FAM161A: variants seen among roughly 807,000 people sequenced by gnomAD.
FAM161A encodes protein FAM161A.
FAM161A carries 57 observed loss-of-function variants against 70.9 expected under a neutral mutation model. The observed-to-expected ratio is 0.80, with a 90% CI of 0.65 to 1.00. FAM161A has a LOEUF of 1.00. Among genes scored for constraint, FAM161A ranks in the 50% least tolerant of loss-of-function variants. The pLI is 0.00. For synonymous variants in FAM161A, 299 were observed against 295.7 expected (o/e 1.01, Z -0.12); for missense variants, 880 against 836.0 (o/e 1.05, Z -0.65).
the FAM161A span, among the ~76,000 whole-genome samples, chr2:61,814,502 G>A: frequency 2.0e-5 from 3 of 151,518 alleles, no homozygotes; most frequent in Non-Finnish European, 4.4e-5. Context: ...TCCTCTGCTC[G>A]AGAGGAGTTT....
intron 1 of FAM161A, among the ~76,000 whole-genome samples, chr2:61,847,992 G>A (rs1376780544): frequency 6.6e-6 from 1 of 152,124 alleles, no homozygotes; most frequent in Non-Finnish European, 1.5e-5. Flanking sequence ...CTGCTCTAAA[G>A]AGCTATATTC....
chr2:61,850,415 G>A (rs1673457628), intron 1 of FAM161A, among the ~76,000 whole-genome samples: 1 of 151,744 alleles, frequency 6.6e-6, no homozygotes, highest in Non-Finnish European at 1.5e-5. Context: ...ATATGTGTGT[G>A]TGCGTTCGTG....
intron 5 of FAM161A, chr2:61,835,624 C>A (rs569946053): frequency 6.7e-5 from 11 of 165,344 alleles, no homozygotes; most frequent in Non-Finnish European, 2.6e-5. Context: ...AAACAGCTTG[C>A]AAAATTATTT....
In FAM161A at chr2:61,853,872, G is replaced by A. The variant is rs751423531; in HGVS notation, c.170C>T (p.Pro57Leu). The part of the protein sequence containing the change: ...EDEEEEKVAQ[P>L]AGASADLNTS... ...CCCCAGTATTACCGATGCCCCAGCG[G>A]GCTGAGCCACTTTCTCCTCCTCTTC... Residue 57 changes from proline (P) to leucine (L), a missense_variant, in exon 1 of 7, where the codon CCC (proline) becomes CTC (leucine). By Grantham distance (98) the Pro-to-Leu change is moderately conservative. Coordinates refer to ENST00000404929, the MANE Select transcript of FAM161A (RefSeq NM_001201543.2). The A allele has an allele frequency of 5.6e-6, 9 of 1,613,952 alleles. No homozygotes were observed. The highest frequency in any genetic ancestry group is 7.6e-6 in the Non-Finnish European group (9 of 1,179,838).
chr2:61,806,696 T>C, the FAM161A span, among the ~76,000 whole-genome samples: 1 of 129,562 alleles, frequency 7.7e-6, no homozygotes, highest in Non-Finnish European at 1.6e-5. Flanking sequence ...TTTTTTTTTT[T>C]TTTTTTTTTT....
chr2:61,844,358 TC>T, intron 1 of FAM161A, among the ~76,000 whole-genome samples: 1 of 152,240 alleles, frequency 6.6e-6, no homozygotes, highest in African/African-American at 2.4e-5. Context: ...TTGGGGGCCA[TC>T]CTGCAATCAG....
rs1404455876 is a variant in FAM161A at position 61,825,693 on chromosome 2, A to C, written c.*762T>G. 4.8e-6 allele frequency: 2 copies of C among 420,776 alleles called. No individual in the cohort carries two copies. The highest frequency in any genetic ancestry group is 1.4e-4 in the East Asian group (2 of 14,156). The allele number at this position is 420,776 out of a possible 1,614,324, so 26.1% of individuals were successfully genotyped here. On this transcript the variant is annotated 3_prime_UTR_variant, in exon 7 of 7. Coordinates refer to ENST00000404929, the MANE Select transcript of FAM161A (RefSeq NM_001201543.2). ...CGCTCTGTTGCCCAAGCTGGAGTGC[A>C]GTGGCGCGATCTCGGCTCACTGCAA...
the FAM161A span, among the ~76,000 whole-genome samples, chr2:61,806,511 T>A: frequency 1.3e-5 from 2 of 152,112 alleles, no homozygotes; most frequent in Non-Finnish European, 2.9e-5. Context: ...AAAGCATTAA[T>A]GGTCATGAAA....
In FAM161A at chr2:61,839,456, GGGCACGGGAGGGT is replaced by G. The variant is rs750449050; in HGVS notation, c.1535_1547del (p.Asn512ThrfsTer12). 2.5e-6 allele frequency: 4 copies of G among 1,614,094 alleles called. No individual in the cohort carries two copies. The Admixed American group carries it at 6.7e-5, about 27-fold the overall frequency. ...GTTCTCGTCCTCTGGAAGATACCGT[GGGCACGGGAGGGT>G]TGCAGTTACAAGGCACAGGGTTTAC... is the stretch of plus-strand genomic sequence containing the variant. On this transcript the variant is annotated frameshift_variant, in exon 3 of 7. Coordinates refer to ENST00000404929, the MANE Select transcript of FAM161A (RefSeq NM_001201543.2). LOFTEE classifies it high-confidence loss of function.
At chr2:61,816,644 G>C in the FAM161A span, among the ~76,000 whole-genome samples, 1 of 151,854 alleles carries the variant, frequency 6.6e-6, no homozygotes, top group African/African-American at 2.4e-5. Flanking sequence ...ATTTTTTGTA[G>C]AGACGGCGGG....
chr2:61,820,422 G>T, downstream of FAM161A: 1 of 757,634 alleles, frequency 1.3e-6, no homozygotes, highest in South Asian at 1.3e-5. Context: ...TGAATGCAAG[G>T]CCACACAAGG....
At chr2:61,832,048 A>G (rs1344208706) in intron 5 of FAM161A, among the ~76,000 whole-genome samples, 2 of 152,226 alleles carry the variant, frequency 1.3e-5, no homozygotes, top group East Asian at 3.9e-4. Flanking sequence ...GCTTAAGACC[A>G]GCATGGACAA....
At chr2:61,807,729 C>T in the FAM161A span, among the ~76,000 whole-genome samples, 1 of 151,280 alleles carries the variant, frequency 6.6e-6, no homozygotes, top group Non-Finnish European at 1.5e-5. Context: ...CAACCTCCAC[C>T]TCCAGGGCTC....
In FAM161A at chr2:61,840,497, C is replaced by A. The variant is rs1216539862; in HGVS notation, c.507G>T (p.Leu169Phe). Residue 169 changes from leucine (L) to phenylalanine (F), a missense_variant, in exon 3 of 7, where the codon TTG (leucine) becomes TTT (phenylalanine). Transcript: ENST00000404929. ...ACTCCTCTTCAGAGGAGGACACATACAAGGAGGAAGACTGGCCTAAATCAG... is the reference window on the plus strand; with the variant it reads ...ACTCCTCTTCAGAGGAGGACACATAAAAGGAGGAAGACTGGCCTAAATCAG... ...SEPDLGQSSS[L>F]YVSSSEEELP... is the part of the protein sequence containing the mutation. 2 of 1,613,822 alleles carry A rather than the reference C, an allele frequency of 1.2e-6. No homozygotes were observed. The highest frequency in any genetic ancestry group is 1.7e-6 in the Non-Finnish European group (2 of 1,179,896).
the FAM161A span, among the ~76,000 whole-genome samples, chr2:61,808,332 G>A: frequency 4.0e-5 from 6 of 151,680 alleles, no homozygotes; most frequent in African/African-American, 1.5e-4. Flanking sequence ...GAGTGCAGTG[G>A]CACGATCTCA....
At chr2:61,803,321 A>G in the FAM161A span, 1 of 667,962 alleles carries the variant, frequency 1.5e-6, no homozygotes, top group East Asian at 2.9e-5. Flanking sequence ...AAGTAAAATG[A>G]ACCCAAACAT....
intron 1 of FAM161A, among the ~76,000 whole-genome samples, chr2:61,852,319 C>G (rs549549598): frequency 5.8e-4 from 89 of 152,300 alleles, no homozygotes; most frequent in African/African-American, 2.0e-3. Flanking sequence ...AAGTGACTGA[C>G]TCCTTTACCA....
At chr2:61,831,066 C>T (rs549071215) in intron 5 of FAM161A, among the ~76,000 whole-genome samples, 16 of 145,694 alleles carry the variant, frequency 1.1e-4, no homozygotes, top group African/African-American at 1.5e-4. Flanking sequence ...GAGCTGAGAT[C>T]GAGCCACTGC....
the FAM161A span, among the ~76,000 whole-genome samples, chr2:61,814,742 G>A: frequency 6.6e-6 from 1 of 152,154 alleles, no homozygotes; most frequent in East Asian, 1.9e-4. Flanking sequence ...CAATATGCAT[G>A]ATCAGGACCC....
Sources: allele counts gnomAD v4.1 joint callset (sites outside exome capture counted in the v4.1 genomes callset), GRCh38; gene constraint gnomAD v4.1.1; transcripts MANE v1.5; gene names NCBI Gene and HGNC (gene_info 2026-07-23, HGNC 2026-07-21).